Variants in SCLT1 observed in about 807,000 individuals in gnomAD.
The protein encoded by SCLT1 is sodium channel and clathrin linker 1, also known as sodium channel-associated protein 1.
A neutral mutation model predicts 112.8 loss-of-function variants in SCLT1; 78 were observed. The observed-to-expected ratio is 0.69, with a 90% CI of 0.58 to 0.83. The LOEUF (loss-of-function observed/expected upper bound fraction) is 0.83, where lower values mean the gene tolerates loss of function less well. SCLT1 is among the 40% of genes least tolerant of loss of function. The probability of loss-of-function intolerance (pLI) is 0.00; values close to 1 mark genes in which losing one functional copy is unlikely to be tolerated. For synonymous variants in SCLT1, 257 were observed against 254.7 expected (o/e 1.01, Z -0.09); for missense variants, 747 against 770.4 (o/e 0.97, Z 0.36).
At chr4:128,890,770 G>T (rs1733246770) in intron 19 of SCLT1, among the ~76,000 whole-genome samples, 1 of 152,190 alleles carries the variant, frequency 6.6e-6, no homozygotes, top group Non-Finnish European at 1.5e-5. Flanking sequence ...AATAATTTTA[G>T]AGATGCATAA....
At chr4:128,948,359 A>AAT in intron 15 of SCLT1, 137 bp downstream of exon 15, 1 of 780,354 alleles carries the variant, frequency 1.3e-6, no homozygotes, top group Non-Finnish European at 1.7e-6. Flanking sequence ...AAAAAAAAAA[A>AAT]GAAAAGAAAA....
intron 20 of SCLT1, among the ~76,000 whole-genome samples, chr4:128,887,189 C>A (rs1732955566): frequency 6.6e-6 from 1 of 152,172 alleles, no homozygotes; most frequent in South Asian, 2.1e-4. Flanking sequence ...AAAACACATA[C>A]TTGCCAGATA....
intron 4 of SCLT1, chr4:128,874,504 A>T (rs1732426797): frequency 9.6e-6 from 1 of 104,172 alleles, no homozygotes; most frequent in Non-Finnish European, 1.7e-5. Context: ...AAAACAAAAA[A>T]TATTAAAAAA....
chr4:128,937,151 G>A (rs1307295796), intron 17 of SCLT1, among the ~76,000 whole-genome samples: 1 of 151,828 alleles, frequency 6.6e-6, no homozygotes, highest in East Asian at 1.9e-4. Context: ...GATGGCACAC[G>A]CCTGTAATCC....
downstream of SCLT1, chr4:128,883,981 A>G (rs977040491): frequency 1.3e-5 from 2 of 152,348 alleles, no homozygotes; most frequent in Non-Finnish European, 2.9e-5. Flanking sequence ...ATTAAAATAC[A>G]TGACAGCATC....
At chr4:128,996,542 T>G (rs1462060260) in intron 8 of SCLT1, among the ~76,000 whole-genome samples, 1 of 152,202 alleles carries the variant, frequency 6.6e-6, no homozygotes, top group Non-Finnish European at 1.5e-5. Flanking sequence ...CTCTTTGAAC[T>G]GTACAAGATC....
At chr4:128,968,958 C>T (rs912684702) in intron 10 of SCLT1, among the ~76,000 whole-genome samples, 2 of 152,186 alleles carry the variant, frequency 1.3e-5, no homozygotes, top group Admixed American at 6.5e-5. Context: ...GCTGCCTTTC[C>T]AGCTTTGGGC....
In SCLT1 at chr4:128,946,086, G is replaced by A. The variant is rs1416033059; in HGVS notation, c.1360C>T (p.Leu454=). 1.2e-6 allele frequency: 2 copies of A among 1,607,954 alleles called. No individual in the cohort carries two copies. The highest frequency in any genetic ancestry group is 1.7e-5 in the Admixed American group (1 of 59,902). The change falls in exon 16 of 21, where the codon CTG becomes TTG. Residue 454 remains leucine, a synonymous_variant. Coordinates refer to ENST00000281142, the MANE Select transcript of SCLT1 (RefSeq NM_144643.4). ...RKLEEMHQRF[L]VSERSKDDLQ... ...TCATCTTTTGAACGCTCTGAAACCA[G>A]GAATCTTTGGTGCATTTCTTCCAGT...
chr4:128,997,196 A>T (rs1287807240), intron 8 of SCLT1: 1 of 152,004 alleles, frequency 6.6e-6, no homozygotes, highest in Non-Finnish European at 1.5e-5. Flanking sequence ...ATAAAATTGG[A>T]TACTTACTTT....
At chr4:128,942,782 T>A (rs1737809636) in intron 17 of SCLT1, among the ~76,000 whole-genome samples, 1 of 152,106 alleles carries the variant, frequency 6.6e-6, no homozygotes. Context: ...GGAAAAGAAT[T>A]TTTTTGTGTG....
At position 128,999,690 on chromosome 4, in the gene SCLT1, A is replaced by T. The variant is rs200312901; in HGVS notation, c.531T>A (p.Phe177Leu). Residue 177 changes from phenylalanine (F) to leucine (L), a missense_variant, in exon 7 of 21, where the codon TTT becomes TTA. Coordinates refer to ENST00000281142, the MANE Select transcript of SCLT1 (RefSeq NM_144643.4). ...AGATTACCTTTTGTTTTTGACTTTC[A>T]AATACATGAATCTGGGCCTCAGTCA... is the stretch of plus-strand genomic sequence containing the variant. ...EHMTEAQIHV[F>L]ESQKQKDQLF... 9.4e-6 allele frequency: 15 copies of T among 1,599,526 alleles called. No individual in the cohort carries two copies. In the Admixed American group the frequency reaches 2.2e-4, roughly 24 times the overall value.
intron 2 of SCLT1, among the ~76,000 whole-genome samples, chr4:129,077,376 G>A (rs997422729): frequency 7.9e-5 from 12 of 152,100 alleles, no homozygotes; most frequent in African/African-American, 2.9e-4. Flanking sequence ...GGCACCCAAT[G>A]TAAGGACTTT....
chr4:129,001,335 G>T (rs911410436), intron 6 of SCLT1, among the ~76,000 whole-genome samples: 1 of 151,318 alleles, frequency 6.6e-6, no homozygotes, highest in South Asian at 2.1e-4. Flanking sequence ...AACTGGGGTG[G>T]TGGGGGGGTG....
chr4:129,034,390 G>A (rs1747003601), intron 5 of SCLT1, among the ~76,000 whole-genome samples: 1 of 151,434 alleles, frequency 6.6e-6, no homozygotes, highest in African/African-American at 2.4e-5. Context: ...ATTGTATAAT[G>A]TTATTTAAAT....
chr4:128,972,552 T>C (rs559104889), intron 9 of SCLT1, among the ~76,000 whole-genome samples: 120 of 152,174 alleles, frequency 7.9e-4, no homozygotes, highest in Non-Finnish European at 1.5e-3. Context: ...CACTTGACCA[T>C]GCTGCACGTC....
intron 5 of SCLT1, among the ~76,000 whole-genome samples, chr4:129,026,135 G>C (rs1746048030): frequency 6.6e-6 from 1 of 152,076 alleles, no homozygotes; most frequent in African/African-American, 2.4e-5. Context: ...ACATTAGACA[G>C]ATCAACGAGA....
At chr4:129,056,338 G>A (rs190601159) in intron 2 of SCLT1, among the ~76,000 whole-genome samples, 3 of 152,162 alleles carry the variant, frequency 2.0e-5, no homozygotes, top group East Asian at 3.9e-4. Flanking sequence ...TGTAAATTTT[G>A]ATTCTTTATT....
At chr4:129,012,980 CT>C (rs144564958) in intron 5 of SCLT1, among the ~76,000 whole-genome samples, 1 of 151,928 alleles carries the variant, frequency 6.6e-6, no homozygotes, top group Non-Finnish European at 1.5e-5. Flanking sequence ...CATTCTGTGT[CT>C]TTTTTTGCTT....
At chr4:129,065,353 G>T (rs974020618) in intron 2 of SCLT1, among the ~76,000 whole-genome samples, 3 of 151,988 alleles carry the variant, frequency 2.0e-5, no homozygotes, top group Admixed American at 6.6e-5. Flanking sequence ...TTTTGTGTGT[G>T]TGTATGCGTG....
Sources: gnomAD v4.1 joint callset for allele counts (sites outside exome capture counted in the v4.1 genomes callset) on GRCh38, gnomAD v4.1.1 for gene constraint, MANE v1.5 for transcripts, NCBI Gene and HGNC (gene_info 2026-07-23, HGNC 2026-07-21) for gene names.